Variants in TENM2 observed in about 807,000 individuals in gnomAD.
TENM2 encodes the protein teneurin transmembrane protein 2.
In TENM2, 52 loss-of-function variants were observed where a neutral mutation model predicts 245.2. That is an observed-to-expected ratio of 0.21 (90% confidence interval 0.17 to 0.27). TENM2 has a LOEUF of 0.27. Ranked by LOEUF, TENM2 falls within the 10% of genes least tolerant of loss-of-function variation. The pLI, the probability that TENM2 is intolerant of heterozygous loss-of-function variation, is 1.00. For missense variants in TENM2, 3,046 were observed against 3,666.8 expected (o/e 0.83, Z 4.37); for synonymous variants, 1,363 against 1,438.9 (o/e 0.95, Z 1.19).
intron 2 of TENM2, among the ~76,000 whole-genome samples, chr5:167,709,692 C>G (rs1324514977): frequency 6.6e-6 from 1 of 152,184 alleles, no homozygotes; most frequent in Non-Finnish European, 1.5e-5. Flanking sequence ...GACCCACATT[C>G]CTTGACCACA....
At chr5:167,118,997 G>A in the TENM2 span, among the ~76,000 whole-genome samples, 2 of 152,186 alleles carry the variant, frequency 1.3e-5, no homozygotes, top group Non-Finnish European at 2.9e-5. Context: ...ACCAGGGATT[G>A]TTCCTGTGTC....
At position 167,639,081 on chromosome 5, in the gene TENM2, T is replaced by C. The variant is rs536212862; in HGVS notation, c.503-236905T>C. Among the ~76,000 whole-genome samples the C allele has an allele frequency of 1.2e-4, 19 of 152,342 alleles. 1 individual carries two copies. The South Asian group carries it at 3.5e-3, about 28-fold the overall frequency. On this transcript the variant is annotated intron_variant, in intron 2 of 28. Transcript: ENST00000518659. Reference sequence around the variant, plus strand: ...ATTCGGTAAGCTCCAATCCTCTTGCTAACCCTTCACTGCAATAATTAAGCA... The same window carrying C: ...ATTCGGTAAGCTCCAATCCTCTTGCCAACCCTTCACTGCAATAATTAAGCA...
chr5:167,063,961 T>A, the TENM2 span, among the ~76,000 whole-genome samples: 9 of 152,122 alleles, frequency 5.9e-5, no homozygotes, highest in Non-Finnish European at 8.8e-5. Flanking sequence ...GGTGGTTATG[T>A]TTGAATGTGA....
At chr5:167,555,517 C>T (rs1291846649) in intron 2 of TENM2, among the ~76,000 whole-genome samples, 2 of 152,136 alleles carry the variant, frequency 1.3e-5, no homozygotes, top group Non-Finnish European at 2.9e-5. Context: ...GCTTTTTGTA[C>T]AACATAAGAA....
chr5:168,059,352 T>A (rs1264189759), intron 6 of TENM2, among the ~76,000 whole-genome samples: 1 of 152,220 alleles, frequency 6.6e-6, no homozygotes, highest in African/African-American at 2.4e-5. Context: ...TGGGTGCTGA[T>A]TTCCTGCCTC....
chr5:167,080,455 G>A, the TENM2 span, among the ~76,000 whole-genome samples: 1 of 152,130 alleles, frequency 6.6e-6, no homozygotes, highest in Non-Finnish European at 1.5e-5. Flanking sequence ...TTTCAAAGAT[G>A]TTCCTGAATG....
chr5:167,546,408 T>A (rs1772564004), intron 2 of TENM2, among the ~76,000 whole-genome samples: 1 of 152,188 alleles, frequency 6.6e-6, no homozygotes, highest in Non-Finnish European at 1.5e-5. Context: ...CCTTAGACTG[T>A]GAACTTTATG....
the TENM2 span, among the ~76,000 whole-genome samples, chr5:167,202,972 G>A: frequency 4.6e-5 from 7 of 152,106 alleles, no homozygotes; most frequent in East Asian, 1.9e-4. Context: ...CACATTTTAC[G>A]GATGAGGGAA....
intron 1 of TENM2, among the ~76,000 whole-genome samples, chr5:167,321,785 ATT>A (rs1314778203): frequency 1.6e-5 from 1 of 62,840 alleles, no homozygotes. Flanking sequence ...GCCTTGGCTT[ATT>A]TTTTTTTTTT....
At position 167,353,500 on chromosome 5, in the gene TENM2, G is replaced by GTTTTTTTTTT. The variant is rs59240930; in HGVS notation, c.227-21682_227-21673dup. On this transcript the variant is annotated intron_variant, in intron 1 of 28. Transcript: ENST00000518659. Reference sequence around the variant, plus strand: ...TATGGTGTTTTTTGTTGTTGTTGTTGTTTTTTTTTTTTTTTTTTTTTTTTT... The same window carrying GTTTTTTTTTT: ...TATGGTGTTTTTTGTTGTTGTTGTTGTTTTTTTTTTTTTTTTTTTTTTTTTTTTTTTTTTT... Among the ~76,000 whole-genome samples the GTTTTTTTTTT allele has an allele frequency of 1.1e-3, 85 of 79,450 alleles. 1 individual carries two copies. The highest frequency in any genetic ancestry group is 1.3e-3 in the African/African-American group (24 of 18,732). The allele number at this position is 79,450 out of a possible 152,430, so 52.1% of individuals were successfully genotyped here.
intron 1 of TENM2, among the ~76,000 whole-genome samples, chr5:167,297,820 G>T (rs943463819): frequency 2.2e-4 from 34 of 152,130 alleles, no homozygotes; most frequent in African/African-American, 8.2e-4. Context: ...TCTCTGGTGG[G>T]CTGGAGTGGG....
the TENM2 span, among the ~76,000 whole-genome samples, chr5:167,162,366 G>T: frequency 6.6e-6 from 1 of 152,004 alleles, no homozygotes; most frequent in Non-Finnish European, 1.5e-5. Context: ...GGTGGCTCAG[G>T]CCTGTAATCC....
chr5:167,622,098 A>T (rs1036318478), intron 2 of TENM2, among the ~76,000 whole-genome samples: 5 of 152,206 alleles, frequency 3.3e-5, no homozygotes, highest in Non-Finnish European at 7.4e-5. Flanking sequence ...TCAATTTTTT[A>T]CATACTTGCA....
At chr5:167,411,702 G>C (rs1762922211) in intron 2 of TENM2, among the ~76,000 whole-genome samples, 1 of 151,766 alleles carries the variant, frequency 6.6e-6, no homozygotes, top group African/African-American at 2.4e-5. Context: ...TGAAGTTTAA[G>C]TTATGAAGTA....
At chr5:167,943,733 C>T (rs1049622610) in intron 3 of TENM2, among the ~76,000 whole-genome samples, 1 of 152,122 alleles carries the variant, frequency 6.6e-6, no homozygotes, top group Non-Finnish European at 1.5e-5. Context: ...AACGTCTGGG[C>T]ATATTAATAA....
At chr5:167,512,626 A>G (rs1032563245) in intron 2 of TENM2, among the ~76,000 whole-genome samples, 16 of 152,150 alleles carry the variant, frequency 1.1e-4, no homozygotes, top group African/African-American at 3.4e-4. Flanking sequence ...CTTTGGCACT[A>G]TGTTTAGCCT....
rs775727835 is a variant in TENM2, at chr5:167,503,403, C to T, written c.502+127930C>T. ...GAAAGGAGGAGGATAAAAAATGGTA[C>T]GGGAGAGTGCAGAGAAAAGAAGAGA... On this transcript the variant is annotated intron_variant, in intron 2 of 28. Transcript: ENST00000518659. Among the ~76,000 whole-genome samples the T allele has an allele frequency of 1.1e-4, 17 of 150,476 alleles. 1 individual carries two copies. The highest frequency in any genetic ancestry group is 4.2e-4 in the South Asian group (2 of 4,750).
At chr5:167,115,359 C>T in the TENM2 span, among the ~76,000 whole-genome samples, 7 of 152,274 alleles carry the variant, frequency 4.6e-5, no homozygotes, top group East Asian at 1.2e-3. Flanking sequence ...AAGATTGGCT[C>T]CTCACTGCAC....
intron 2 of TENM2, among the ~76,000 whole-genome samples, chr5:167,750,264 G>A (rs994239082): frequency 2.6e-5 from 4 of 152,088 alleles, no homozygotes; most frequent in African/African-American, 4.8e-5. Context: ...ACGCTGTTAC[G>A]GGTTGCAGCT....
Sources: gnomAD v4.1 joint callset for allele counts (sites outside exome capture counted in the v4.1 genomes callset) on GRCh38, gnomAD v4.1.1 for gene constraint, MANE v1.5 for transcripts, NCBI Gene and HGNC (gene_info 2026-07-23, HGNC 2026-07-21) for gene names.